Variants in ZBTB40 observed in about 807,000 individuals in gnomAD.
ZBTB40 encodes zinc finger and BTB domain-containing protein 40.
A neutral mutation model predicts 117.5 loss-of-function variants in ZBTB40; 60 were observed. The observed-to-expected ratio is 0.51, with a 90% CI of 0.41 to 0.63. The LOEUF (loss-of-function observed/expected upper bound fraction) is 0.63, where lower values mean the gene tolerates loss of function less well. ZBTB40 is among the 30% of genes least tolerant of loss of function. The pLI, the probability that ZBTB40 is intolerant of heterozygous loss-of-function variation, is 0.00. For missense variants in ZBTB40, 1,287 were observed against 1,498.5 expected (o/e 0.86, Z 2.33); for synonymous variants, 525 against 577.1 (o/e 0.91, Z 1.29).
At chr1:22,523,858 G>A (rs1639604476) in intron 16 of ZBTB40, among the ~76,000 whole-genome samples, 2 of 152,204 alleles carry the variant, frequency 1.3e-5, no homozygotes, top group Non-Finnish European at 2.9e-5. Flanking sequence ...CTACTTCAGA[G>A]ATGTTAAAAT....
chr1:22,469,669 G>C lies in ZBTB40; in HGVS notation c.-70+17665G>C, dbSNP rs539343790. Among the ~76,000 whole-genome samples the C allele has an allele frequency of 1.5e-3, 233 of 152,160 alleles. 1 individual carries two copies. Among genetic ancestry groups the C allele is most frequent in the African/African-American group, 5.4e-3 (226 of 41,522 alleles). On this transcript the variant is annotated intron_variant, in intron 1 of 17. Transcript: ENST00000375647. ...CCTCCTGGCTTCAGGCAATTTTCCT[G>C]CCTCAGCCTCCTGAGTAGCTACCAC...
At chr1:22,516,582 A>G (rs940407078) in intron 12 of ZBTB40, among the ~76,000 whole-genome samples, 4 of 152,092 alleles carry the variant, frequency 2.6e-5, no homozygotes, top group Non-Finnish European at 5.9e-5. Flanking sequence ...TTGCAGCCCA[A>G]TACATAAACA....
rs756733730 is a variant in ZBTB40, at chr1:22,511,749, CAAA to C, written c.2077_2079del (p.Lys693del). ...ATAAATTTCACCTTGAAGCCAACAA[CAAA>C]GAAGATGAAAAGGCAGCCAAAGAAG... is the stretch of plus-strand genomic sequence containing the variant. On this transcript the variant is annotated inframe_deletion, in exon 11 of 18. Coordinates refer to ENST00000375647, the MANE Select transcript of ZBTB40 (RefSeq NM_014870.4). 1.9e-6 allele frequency: 3 copies of C among 1,608,500 alleles called. No individual in the cohort carries two copies. Among genetic ancestry groups the C allele is most frequent in the Middle Eastern group, 1.7e-4 (1 of 6,020 alleles).
At chr1:22,495,012 G>C (rs548619491) in intron 3 of ZBTB40, among the ~76,000 whole-genome samples, 43 of 152,306 alleles carry the variant, frequency 2.8e-4, no homozygotes, top group African/African-American at 9.9e-4. Flanking sequence ...AGCTCCCCAA[G>C]AGCTTTGAGT....
At chr1:22,525,831 G>A (rs1639661181) in intron 17 of ZBTB40, among the ~76,000 whole-genome samples, 1 of 152,208 alleles carries the variant, frequency 6.6e-6, no homozygotes, top group Non-Finnish European at 1.5e-5. Flanking sequence ...TTCCAGGCAT[G>A]AGACCAGCTG....
At chr1:22,474,200 G>A (rs529943648) in intron 1 of ZBTB40, among the ~76,000 whole-genome samples, 2 of 152,326 alleles carry the variant, frequency 1.3e-5, no homozygotes, top group African/African-American at 4.8e-5. Flanking sequence ...GGCCATTCGA[G>A]TATCGCTCCA....
At chr1:22,462,622 A>G (rs1307266182) in intron 1 of ZBTB40, among the ~76,000 whole-genome samples, 1 of 152,226 alleles carries the variant, frequency 6.6e-6, no homozygotes, top group African/African-American at 2.4e-5. Context: ...AACACTTTAC[A>G]TTTCAAGGCT....
chr1:22,443,700 C>T (rs1287969421), intron 1 of ZBTB40, among the ~76,000 whole-genome samples: 1 of 152,202 alleles, frequency 6.6e-6, no homozygotes, highest in African/African-American at 2.4e-5. Context: ...GCAAATTTCC[C>T]CCGCAAGAGA....
intron 17 of ZBTB40, 47 bp downstream of exon 17, chr1:22,524,491 C>T: frequency 6.3e-7 from 1 of 1,587,702 alleles, no homozygotes; most frequent in Non-Finnish European, 8.6e-7. Context: ...TGCATGGTTC[C>T]TAAGGCTTCT....
chr1:22,476,194 T>C (rs1641544809), intron 1 of ZBTB40, among the ~76,000 whole-genome samples: 1 of 151,944 alleles, frequency 6.6e-6, no homozygotes, highest in African/African-American at 2.4e-5. Context: ...TTTTCTCCTG[T>C]GTATGACTGT....
At position 22,515,223 on chromosome 1, in the gene ZBTB40, A is replaced by C. The variant is rs547131345; in HGVS notation, c.2669-2077A>C. 7.2e-5 allele frequency among the ~76,000 whole-genome samples: 11 copies of C among 152,348 alleles called. No homozygotes were observed. The South Asian group carries it at 2.1e-3, about 29-fold the overall frequency. Reference sequence around the variant, plus strand: ...ACGAGCTTTACCTGCATGAGAGACCACAGAAAACTAGAAGGGGCTAAAGCA... The same window carrying C: ...ACGAGCTTTACCTGCATGAGAGACCCCAGAAAACTAGAAGGGGCTAAAGCA... On this transcript the variant is annotated intron_variant, in intron 12 of 17. Coordinates refer to ENST00000375647, the MANE Select transcript of ZBTB40 (RefSeq NM_014870.4).
At chr1:22,519,637 C>G (rs1402972710) in intron 13 of ZBTB40, 1 of 262,362 alleles carries the variant, frequency 3.8e-6, no homozygotes, top group Non-Finnish European at 7.5e-6. Context: ...TCCACTTGTG[C>G]TGTTGATGAC....
intron 8 of ZBTB40, 104 bp from the exon 9 acceptor site, chr1:22,508,996 A>G: frequency 2.6e-6 from 4 of 1,567,010 alleles, no homozygotes; most frequent in Non-Finnish European, 2.6e-6. Flanking sequence ...GATAGGAGAT[A>G]GGGGAAATGC....
intron 1 of ZBTB40, among the ~76,000 whole-genome samples, chr1:22,445,720 T>C (rs1467865849): frequency 6.6e-6 from 1 of 152,030 alleles, no homozygotes; most frequent in Non-Finnish European, 1.5e-5. Context: ...CTGGGCATGG[T>C]GGTGCACACC....
chr1:22,481,499 T>G (rs1638312707), intron 1 of ZBTB40, among the ~76,000 whole-genome samples: 1 of 152,082 alleles, frequency 6.6e-6, no homozygotes, highest in Non-Finnish European at 1.5e-5. Context: ...TCTGCTGAAG[T>G]TTTTCTTTTT....
rs931094753 is a variant in ZBTB40, at chr1:22,504,278, T to C, written c.1168-1771T>C. ...ATGGATGCCATGGCCTTTATAAATA[T>C]GTTGGGTTTTGTAAGAAGCAGTAAC... is the stretch of plus-strand genomic sequence containing the variant. On this transcript the variant is annotated intron_variant, in intron 5 of 17. Transcript: ENST00000375647. Among the ~76,000 whole-genome samples, 4 of 152,280 alleles carry C rather than the reference T, an allele frequency of 2.6e-5. No homozygotes were observed. The East Asian group carries it at 7.7e-4, about 29-fold the overall frequency.
chr1:22,487,952 A>G (rs1638519396), intron 1 of ZBTB40, among the ~76,000 whole-genome samples: 1 of 152,066 alleles, frequency 6.6e-6, no homozygotes, highest in Non-Finnish European at 1.5e-5. Context: ...CTCAGTTCCT[A>G]ATCCTCCTGC....
At chr1:22,461,438 C>T (rs1641130763) in intron 1 of ZBTB40, among the ~76,000 whole-genome samples, 1 of 151,246 alleles carries the variant, frequency 6.6e-6, no homozygotes, top group Non-Finnish European at 1.5e-5. Flanking sequence ...TCTTTCCCAA[C>T]ATTAACAGCA....
intron 2 of ZBTB40, 70 bp from the exon 3 acceptor site, chr1:22,491,330 C>G (rs1638625503): frequency 6.4e-7 from 1 of 1,557,968 alleles, no homozygotes; most frequent in Admixed American, 1.7e-5. Flanking sequence ...GGTGCTCAGA[C>G]AGCTTAAACT....
Sources: allele counts gnomAD v4.1 joint callset (sites outside exome capture counted in the v4.1 genomes callset), GRCh38; gene constraint gnomAD v4.1.1; transcripts MANE v1.5; gene names NCBI Gene and HGNC (gene_info 2026-07-23, HGNC 2026-07-21).